The following TUSC3 variants were observed in gnomAD, a reference collection of about 807,000 sequenced individuals.
The protein encoded by TUSC3 is dolichyl-diphosphooligosaccharide--protein glycosyltransferase subunit TUSC3.
Under a neutral mutation model 44.8 loss-of-function variants are expected in TUSC3, and 45 were observed. The ratio of observed to expected loss-of-function variants is 1.00; its 90% CI spans 0.79 to 1.29. The LOEUF is 1.29. TUSC3 is among the 50% of genes most tolerant of loss of function. TUSC3 has a pLI of 0.00. For synonymous variants in TUSC3, 212 were observed against 152.9 expected, an observed-to-expected ratio of 1.39 and a Z score of -2.85; for missense variants, 519 against 437.9, an observed-to-expected ratio of 1.19 and a Z score of -1.65.
intron 1 of TUSC3, among the ~76,000 whole-genome samples, chr8:15,476,182 G>A (rs17611533): frequency 0.13 from 19,843 of 152,088 alleles, 1,716 homozygotes; most frequent in East Asian, 0.35. Flanking sequence ...AGAAGAATCC[G>A]TTTAAAGAAT....
intron 6 of TUSC3, among the ~76,000 whole-genome samples, chr8:15,709,211 C>G (rs1809741527): frequency 6.6e-6 from 1 of 151,814 alleles, no homozygotes; most frequent in African/African-American, 2.4e-5. Context: ...AATTTGTATT[C>G]ACTGCACAAA....
the TUSC3 span, among the ~76,000 whole-genome samples, chr8:15,843,193 C>G: frequency 2.6e-5 from 4 of 152,150 alleles, no homozygotes; most frequent in African/African-American, 9.7e-5. Flanking sequence ...GCTCCCTAAA[C>G]TTTATTTATG....
rs139652061 is a variant in TUSC3, at chr8:15,495,536, TC to T, written n.189+12055del. On this transcript the variant is annotated intron_variant and non_coding_transcript_variant, in intron 2 of 5. Coordinates refer to the TUSC3 transcript ENST00000503191. ...AGGCCCCAAGAGGATGCTTTTGGTT[TC>T]CAGGTATTAGTGACTACTCATATTC... Among the ~76,000 whole-genome samples, 1,434 of 152,256 alleles carry T rather than the reference TC, an allele frequency of 9.4e-3. 22 individuals carry two copies. Among genetic ancestry groups the T allele is most frequent in the African/African-American group, 0.033 (1,361 of 41,544 alleles).
At chr8:15,814,056 A>G in the TUSC3 span, among the ~76,000 whole-genome samples, 1 of 152,222 alleles carries the variant, frequency 6.6e-6, no homozygotes, top group Non-Finnish European at 1.5e-5. Context: ...GCCTGGATGT[A>G]GAGTACTTCT....
the TUSC3 span, among the ~76,000 whole-genome samples, chr8:15,810,827 A>G: frequency 6.6e-6 from 1 of 152,174 alleles, no homozygotes; most frequent in East Asian, 1.9e-4. Context: ...AATACAGGAA[A>G]GAAGAGCTGA....
At chr8:15,589,345 A>C (rs1464640365) in intron 1 of TUSC3, among the ~76,000 whole-genome samples, 1 of 152,320 alleles carries the variant, frequency 6.6e-6, no homozygotes, top group South Asian at 2.1e-4. Context: ...CAAGATCCTG[A>C]AATGATCCAT....
At chr8:15,778,143 A>C in the TUSC3 span, among the ~76,000 whole-genome samples, 1 of 151,854 alleles carries the variant, frequency 6.6e-6, no homozygotes, top group African/African-American at 2.4e-5. Flanking sequence ...ACCACCGGCT[A>C]ATATCACCCT....
chr8:15,655,010 A>G (rs1245406193), intron 3 of TUSC3, among the ~76,000 whole-genome samples: 2 of 152,146 alleles, frequency 1.3e-5, no homozygotes, highest in Admixed American at 1.3e-4. Context: ...TACCTTTCTC[A>G]TAAAACTGTT....
intron 2 of TUSC3, among the ~76,000 whole-genome samples, chr8:15,485,854 G>A (rs1232259584): frequency 6.6e-6 from 1 of 152,084 alleles, no homozygotes; most frequent in East Asian, 1.9e-4. Flanking sequence ...GTGCAATGGT[G>A]CGATGTCACC....
At chr8:15,520,856 T>C (rs1350858038) in intron 2 of TUSC3, among the ~76,000 whole-genome samples, 1 of 152,212 alleles carries the variant, frequency 6.6e-6, no homozygotes, top group Non-Finnish European at 1.5e-5. Flanking sequence ...TTCCTGTCCT[T>C]ATAGTCTCAG....
At chr8:15,692,042 A>G (rs1369363471) in intron 6 of TUSC3, among the ~76,000 whole-genome samples, 3 of 152,108 alleles carry the variant, frequency 2.0e-5, no homozygotes, top group African/African-American at 4.8e-5. Context: ...CGGCTTCCCA[A>G]AGTGCTGGGA....
intron 2 of TUSC3, among the ~76,000 whole-genome samples, chr8:15,503,375 G>A (rs569971321): frequency 1.5e-4 from 23 of 152,236 alleles, no homozygotes; most frequent in African/African-American, 5.5e-4. Flanking sequence ...CCCGTCTGTG[G>A]CACTGTGCTA....
chr8:15,697,613 A>C (rs1490225689), intron 6 of TUSC3, among the ~76,000 whole-genome samples: 1 of 152,186 alleles, frequency 6.6e-6, no homozygotes, highest in Non-Finnish European at 1.5e-5. Flanking sequence ...GGCTGCACAT[A>C]CCTGTTGAAT....
chr8:15,514,586 C>T (rs964638010), intron 2 of TUSC3, among the ~76,000 whole-genome samples: 2 of 152,162 alleles, frequency 1.3e-5, no homozygotes, highest in African/African-American at 4.8e-5. Context: ...CGTGCATATT[C>T]TAGATGCATA....
At chr8:15,850,813 A>G in the TUSC3 span, among the ~76,000 whole-genome samples, 1 of 152,368 alleles carries the variant, frequency 6.6e-6, no homozygotes, top group East Asian at 1.9e-4. Context: ...TGTGAACAAC[A>G]TAAAAGGCCA....
chr8:15,772,403 C>T, the TUSC3 span, among the ~76,000 whole-genome samples: 3 of 152,028 alleles, frequency 2.0e-5, no homozygotes, highest in Non-Finnish European at 1.5e-5. Flanking sequence ...TAACTGTATA[C>T]CAAAAGTTAA....
chr8:15,756,624 A>G (rs1811939575), intron 9 of TUSC3, among the ~76,000 whole-genome samples: 1 of 152,160 alleles, frequency 6.6e-6, no homozygotes, highest in African/African-American at 2.4e-5. Context: ...TGCTCATCAT[A>G]TACTTGTTAG....
intron 1 of TUSC3, among the ~76,000 whole-genome samples, chr8:15,438,298 G>C (rs971762830): frequency 4.6e-5 from 7 of 152,086 alleles, no homozygotes; most frequent in African/African-American, 1.7e-4. Flanking sequence ...GTTTCTCCAT[G>C]TTGGTCAGGC....
At chr8:15,814,659 T>G in the TUSC3 span, among the ~76,000 whole-genome samples, 1 of 152,208 alleles carries the variant, frequency 6.6e-6, no homozygotes, top group African/African-American at 2.4e-5. Flanking sequence ...TTTATATTTG[T>G]TTCTATTATC....
Sources: allele counts gnomAD v4.1 joint callset (sites outside exome capture counted in the v4.1 genomes callset), GRCh38; gene constraint gnomAD v4.1.1; transcripts MANE v1.5; gene names NCBI Gene and HGNC (gene_info 2026-07-23, HGNC 2026-07-21).